EYS: variants seen among roughly 807,000 people sequenced by gnomAD.
EYS encodes protein eyes shut homolog.
Under a neutral mutation model 282.1 loss-of-function variants are expected in EYS, and 250 were observed. That is an observed-to-expected ratio of 0.89 (90% CI 0.80 to 0.98). EYS has a LOEUF of 0.98. Among genes scored for constraint, EYS ranks in the 50% least tolerant of loss-of-function variants. The pLI is 0.00. For synonymous variants in EYS, 1,355 were observed against 1,282.9 expected (o/e 1.06, Z -1.20); for missense variants, 4,016 against 3,709.0 (o/e 1.08, Z -2.15).
intron 13 of EYS, among the ~76,000 whole-genome samples, chr6:65,017,724 A>C (rs1772100353): frequency 1.3e-5 from 2 of 152,234 alleles, no homozygotes; most frequent in African/African-American, 4.8e-5. Flanking sequence ...AAAACAATAA[A>C]GCTGTCTAAA....
At chr6:64,392,536 A>C (rs1390088909) in intron 28 of EYS, among the ~76,000 whole-genome samples, 1 of 151,870 alleles carries the variant, frequency 6.6e-6, no homozygotes, top group African/African-American at 2.4e-5. Context: ...TACTGGGTAC[A>C]TAAAGAAATG....
Position 65,064,426 on chromosome 6 carries a change from C to A in EYS, c.2024-6699G>T, listed in dbSNP as rs189174966. ...TATCATATATACTATATACCATATA[C>A]CATATATCATATATACTATATACTG... is the stretch of plus-strand genomic sequence containing the variant. On this transcript the variant is annotated intron_variant, in intron 12 of 42. Coordinates refer to ENST00000503581, the MANE Select transcript of EYS (RefSeq NM_001142800.2). Among the ~76,000 whole-genome samples, 12 of 143,380 alleles carry A rather than the reference C, an allele frequency of 8.4e-5. 1 individual carries two copies. In the East Asian group the frequency reaches 1.8e-3, roughly 22 times the overall value. 94.1% of individuals were successfully genotyped at this position (143,380 alleles called of 152,430 possible). A position where few individuals can be genotyped will look rare whatever the true frequency, so the allele number is the denominator to read the frequency against.
chr6:64,030,473 C>T (rs191577711), intron 33 of EYS, among the ~76,000 whole-genome samples: 343 of 152,228 alleles, frequency 2.3e-3, no homozygotes, highest in African/African-American at 7.7e-3. Context: ...CCAAAACTGC[C>T]GAGGACTAGA....
chr6:64,930,771 T>G (rs930458224), intron 15 of EYS, among the ~76,000 whole-genome samples: 1 of 152,126 alleles, frequency 6.6e-6, no homozygotes, highest in African/African-American at 2.4e-5. Flanking sequence ...AGCTTTGTAG[T>G]GTCCATAAGA....
At chr6:64,828,187 G>A (rs947155397) in intron 19 of EYS, among the ~76,000 whole-genome samples, 26 of 151,830 alleles carry the variant, frequency 1.7e-4, no homozygotes, top group African/African-American at 6.3e-4. Context: ...AGATAAGCAA[G>A]TATAAATTAA....
chr6:64,070,829 G>A (rs181740722), intron 32 of EYS, among the ~76,000 whole-genome samples: 3 of 152,044 alleles, frequency 2.0e-5, no homozygotes, highest in South Asian at 2.1e-4. Flanking sequence ...TACAATGACC[G>A]CTAGTACGAT....
chr6:64,927,624 AG>A (rs1414739288), intron 15 of EYS, among the ~76,000 whole-genome samples: 3 of 152,096 alleles, frequency 2.0e-5, no homozygotes, highest in African/African-American at 7.2e-5. Flanking sequence ...TCAAATCTTA[AG>A]GGTTCTGGTG....
At position 64,391,209 on chromosome 6, in the gene EYS, T is replaced by C. The variant is rs1030561072; in HGVS notation, c.5928-2369A>G. ...AAGTTGGAAAACACTCTGCAGGATA[T>C]TATCCAGGAGAACTTCCCCAATCTA... On this transcript the variant is annotated intron_variant, in intron 28 of 42. Transcript: ENST00000503581. 5.9e-4 allele frequency among the ~76,000 whole-genome samples: 89 copies of C among 151,858 alleles called. 1 individual carries two copies. Among genetic ancestry groups the C allele is most frequent in the Non-Finnish European group, 9.9e-4 (67 of 67,876 alleles).
rs551585359 is a variant in EYS at position 65,268,815 on chromosome 6, A to T, written c.2023+27048T>A. Among the ~76,000 whole-genome samples the T allele has an allele frequency of 3.5e-3, 146 of 41,210 alleles. 1 individual carries two copies. The highest frequency in any genetic ancestry group is 3.4e-3 in the African/African-American group (51 of 15,160). The allele number at this position is 41,210 out of a possible 152,430, so 27.0% of individuals were successfully genotyped here. ...GGTATTTCAACATAAGTTTTTTTTT[A>T]AAAAAAAGATGCTAAGATCTCTTGA... On this transcript the variant is annotated intron_variant, in intron 12 of 42. Transcript: ENST00000503581.
intron 22 of EYS, among the ~76,000 whole-genome samples, chr6:64,707,878 G>GA (rs138723072): frequency 0.032 from 4,848 of 151,102 alleles, 258 homozygotes; most frequent in African/African-American, 0.11. Context: ...TCCTTAAAAA[G>GA]AAAAAAAACA....
chr6:64,367,115 A>G (rs1022727071), intron 29 of EYS, among the ~76,000 whole-genome samples: 3 of 152,090 alleles, frequency 2.0e-5, no homozygotes, highest in African/African-American at 7.2e-5. Context: ...ATACCAAAAC[A>G]AAGGTTTAAC....
intron 15 of EYS, among the ~76,000 whole-genome samples, chr6:64,942,075 A>G (rs1371265569): frequency 6.6e-6 from 1 of 152,140 alleles, no homozygotes; most frequent in Non-Finnish European, 1.5e-5. Context: ...TATCCCAACA[A>G]CAGTGTTTAA....
chr6:64,873,520 G>A (rs1766656732), intron 19 of EYS, among the ~76,000 whole-genome samples: 1 of 152,090 alleles, frequency 6.6e-6, no homozygotes. Flanking sequence ...GCAGTTGCCA[G>A]AGGCTGGAGG....
chr6:65,441,036 T>A lies in EYS; in HGVS notation c.863-35669A>T, dbSNP rs189530023. Among the ~76,000 whole-genome samples the A allele has an allele frequency of 7.4e-3, 1,110 of 149,318 alleles. 17 individuals carry two copies. Among genetic ancestry groups the A allele is most frequent in the South Asian group, 0.039 (189 of 4,788 alleles). ...TTTGGCACATCATAGGAACTAAATA[T>A]ATGCTTCAGAAAAATAATAAGATTA... On this transcript the variant is annotated intron_variant, in intron 5 of 42. Coordinates refer to ENST00000503581, the MANE Select transcript of EYS (RefSeq NM_001142800.2).
At chr6:65,593,073 A>T (rs1765289513) in intron 2 of EYS, among the ~76,000 whole-genome samples, 1 of 152,024 alleles carries the variant, frequency 6.6e-6, no homozygotes, top group South Asian at 2.1e-4. Flanking sequence ...AGGGAAGAGC[A>T]TAAATTATTT....
chr6:63,953,165 C>G (rs1270744177), intron 35 of EYS, among the ~76,000 whole-genome samples: 1 of 152,120 alleles, frequency 6.6e-6, no homozygotes, highest in Non-Finnish European at 1.5e-5. Context: ...ACCCCTCATC[C>G]CAGCCTGTTT....
chr6:65,043,592 T>TA (rs1268784751), intron 13 of EYS, among the ~76,000 whole-genome samples: 1 of 151,544 alleles, frequency 6.6e-6, no homozygotes, highest in Admixed American at 6.6e-5. Context: ...TGCTCTCTGC[T>TA]ACTATGAGTT....
chr6:64,219,879 T>C (rs555607088), intron 31 of EYS, among the ~76,000 whole-genome samples: 2 of 152,022 alleles, frequency 1.3e-5, no homozygotes. Flanking sequence ...AAGTCCTTTA[T>C]AGGGACATGG....
intron 8 of EYS, among the ~76,000 whole-genome samples, chr6:65,367,044 CT>C: frequency 6.6e-6 from 1 of 151,668 alleles, no homozygotes; most frequent in Non-Finnish European, 1.5e-5. Flanking sequence ...CTGCAAAGTC[CT>C]TTTTGCCATG....
Sources: gnomAD v4.1 joint callset for allele counts (sites outside exome capture counted in the v4.1 genomes callset) on GRCh38, gnomAD v4.1.1 for gene constraint, MANE v1.5 for transcripts, NCBI Gene and HGNC (gene_info 2026-07-23, HGNC 2026-07-21) for gene names.